Variants in UNC79 observed in about 807,000 individuals in gnomAD.
UNC79 encodes unc-79 subunit of NALCN channel complex, also known as protein unc-79 homolog.
In UNC79, 37 loss-of-function variants were observed where a neutral mutation model predicts 283.1. That is an observed-to-expected ratio of 0.13 (90% CI 0.10 to 0.17). The LOEUF is 0.17. Among genes scored for constraint, UNC79 ranks in the 10% least tolerant of loss-of-function variants. UNC79 has a pLI of 1.00. For synonymous variants in UNC79, 1,107 were observed against 1,200.2 expected (o/e 0.92, Z 1.61); for missense variants, 2,272 against 3,211.1 (o/e 0.71, Z 7.07).
At chr14:93,686,897 A>T (rs1342940208) in intron 43 of UNC79, among the ~76,000 whole-genome samples, 1 of 152,164 alleles carries the variant, frequency 6.6e-6, no homozygotes, top group African/African-American at 2.4e-5. Context: ...TTTGCCATAT[A>T]TTCACTTCTC....
At chr14:93,369,110 T>C (rs1431880194) in intron 1 of UNC79, among the ~76,000 whole-genome samples, 1 of 152,232 alleles carries the variant, frequency 6.6e-6, no homozygotes, top group Non-Finnish European at 1.5e-5. Flanking sequence ...CAATGATTGC[T>C]AAATCACAAC....
intron 27 of UNC79, among the ~76,000 whole-genome samples, chr14:93,614,299 TTTTATTTA>T (rs10617777): frequency 0.023 from 3,285 of 140,046 alleles, 113 homozygotes; most frequent in African/African-American, 0.087. Flanking sequence ...GTGGTTTTAT[TTTTATTTA>T]TTTATTTATT....
chr14:93,660,413 A>G (rs865978975), intron 39 of UNC79, among the ~76,000 whole-genome samples: 9 of 151,366 alleles, frequency 5.9e-5, no homozygotes, highest in Admixed American at 4.6e-4. Flanking sequence ...GCAAGTTTCC[A>G]TATAGGCTTG....
chr14:93,370,395 C>T (rs1202457938), intron 1 of UNC79, among the ~76,000 whole-genome samples: 3 of 149,918 alleles, frequency 2.0e-5, no homozygotes, highest in Non-Finnish European at 4.5e-5. Context: ...GAATCAAAAA[C>T]ACTGTAACAG....
chr14:93,655,226 G>C lies in UNC79; in HGVS notation c.6283-8G>C. On this transcript the variant is annotated splice_polypyrimidine_tract_variant and splice_region_variant and intron_variant, in intron 37 of 48. Transcript: ENST00000555664. The stretch of plus-strand genomic sequence containing the variant: ...AGCAGTTGATGGCCTATGCTTTTGT[G>C]TTTTTAGGGTCTAAATAACAAAAAG... 1 of 1,613,408 alleles carries C rather than the reference G, an allele frequency of 6.2e-7. No individual in the cohort carries two copies. Among genetic ancestry groups the C allele is most frequent in the African/African-American group, 1.3e-5 (1 of 75,030 alleles).
chr14:93,365,327 G>A (rs748062327), intron 1 of UNC79, among the ~76,000 whole-genome samples: 10 of 147,212 alleles, frequency 6.8e-5, no homozygotes, highest in Non-Finnish European at 1.3e-4. Context: ...GGAGGTTGGC[G>A]TGAGCCGAGA....
chr14:93,610,228 G>T (rs1398813603), intron 26 of UNC79, among the ~76,000 whole-genome samples: 3 of 152,182 alleles, frequency 2.0e-5, no homozygotes, highest in Non-Finnish European at 4.4e-5. Context: ...GCTGGGCCTT[G>T]CTGGGAGCTC....
exon 20 of UNC79, chr14:93,582,315 G>A (rs2063877901): frequency 1.2e-6 from 2 of 1,614,146 alleles, no homozygotes; most frequent in African/African-American, 1.3e-5. Flanking sequence ...GAGAACCCAG[G>A]CAACTGCACC....
chr14:93,551,660 A>T (rs1038488494), intron 14 of UNC79, among the ~76,000 whole-genome samples: 1 of 152,162 alleles, frequency 6.6e-6, no homozygotes, highest in Non-Finnish European at 1.5e-5. Flanking sequence ...AACAATACAG[A>T]ATGGCTGTTT....
chr14:93,688,751 G>A lies in UNC79; in HGVS notation c.6996G>A (p.Met2332Ile), dbSNP rs2074446197. The change falls in exon 44 of 49, where the codon ATG becomes ATA. Residue 2332 changes from methionine (M) to isoleucine (I), a missense_variant. Met to Ile is a conservative substitution (Grantham distance 10). This residue lies in a region of UNC79 where 225 missense variants were observed against 334.2 expected (regional missense o/e 0.67). Transcript: ENST00000555664. This position sits in a 1 kb window ranked among gnomAD's most constrained non-coding sequence, Gnocchi z 4.0. ...TGGGGCTGGCCCAGATTGCAGCCAT[G>A]GACATCTCACGGGGCAACCACAGAG... 6.2e-7 allele frequency: 1 copy of A among 1,613,782 alleles called. No individual in the cohort carries two copies. Among genetic ancestry groups the A allele is most frequent in the South Asian group, 1.1e-5 (1 of 91,062 alleles).
At chr14:93,623,168 G>A (rs979925904) in intron 30 of UNC79, among the ~76,000 whole-genome samples, 10 of 152,236 alleles carry the variant, frequency 6.6e-5, no homozygotes, top group African/African-American at 2.4e-4. Context: ...AACAGCAAAA[G>A]TCATTAACTT....
chr14:93,343,606 A>T (rs578260319), intron 1 of UNC79, among the ~76,000 whole-genome samples: 1 of 152,282 alleles, frequency 6.6e-6, no homozygotes, highest in Admixed American at 6.5e-5. Flanking sequence ...AATCAGAATT[A>T]AACATGTTTT....
At chr14:93,577,795 T>G in intron 17 of UNC79, 47 bp from the exon 18 acceptor site, 7 of 1,581,930 alleles carry the variant, frequency 4.4e-6, no homozygotes, top group Non-Finnish European at 5.2e-6. Flanking sequence ...CACAGCAATT[T>G]GAGCTTCTGT....
chr14:93,538,165 C>T, exon 12 of UNC79: 3 of 1,613,744 alleles, frequency 1.9e-6, no homozygotes, highest in Non-Finnish European at 1.7e-6. Flanking sequence ...CGCCCATCAA[C>T]ACGCGGGAAT....
chr14:93,476,492 C>T lies in UNC79; in HGVS notation c.449-1066C>T, dbSNP rs146085724. ...TTCATTTGAGCTCAAGGTTGACTGA[C>T]TCTGGCCCTCTAGTGTGCACTGTGG... On this transcript the variant is annotated intron_variant, in intron 3 of 48. Coordinates refer to ENST00000555664, the Ensembl canonical transcript of UNC79. Among the ~76,000 whole-genome samples, 1,117 of 152,282 alleles carry T rather than the reference C, an allele frequency of 7.3e-3. 14 individuals carry two copies. Among genetic ancestry groups the T allele is most frequent in the African/African-American group, 0.025 (1,039 of 41,554 alleles).
At chr14:93,460,371 G>A (rs1430991960) in intron 1 of UNC79, among the ~76,000 whole-genome samples, 1 of 151,880 alleles carries the variant, frequency 6.6e-6, no homozygotes, top group Non-Finnish European at 1.5e-5. Context: ...TTAGTCGGGT[G>A]TGGTGGCGTG....
intron 34 of UNC79, among the ~76,000 whole-genome samples, 169 bp from the exon 38 acceptor site, chr14:93,646,439 C>T (rs946583153): frequency 3.3e-5 from 5 of 152,160 alleles, no homozygotes; most frequent in African/African-American, 1.2e-4. Flanking sequence ...TCAAGTTTAA[C>T]TCTAGAGACT....
At chr14:93,356,550 C>G (rs1016070935) in intron 1 of UNC79, among the ~76,000 whole-genome samples, 11 of 152,176 alleles carry the variant, frequency 7.2e-5, no homozygotes, top group Non-Finnish European at 1.3e-4. Flanking sequence ...TCACCAGTGT[C>G]TGGCCTGGTA....
At chr14:93,447,387 G>A (rs1216629667) in intron 1 of UNC79, among the ~76,000 whole-genome samples, 1 of 151,910 alleles carries the variant, frequency 6.6e-6, no homozygotes, top group Non-Finnish European at 1.5e-5. Context: ...TAGAAATCTT[G>A]CAACTTTATA....
Sources: allele counts gnomAD v4.1 joint callset (sites outside exome capture counted in the v4.1 genomes callset), GRCh38; gene constraint gnomAD v4.1.1; regional missense constraint gnomAD v4.1.1; non-coding constraint Gnocchi (gnomAD v3.1); transcripts MANE v1.5; gene names NCBI Gene and HGNC (gene_info 2026-07-23, HGNC 2026-07-21).